Variants in ANO3 observed in about 807,000 individuals in gnomAD.
ANO3 encodes anoctamin 3.
In ANO3, 99 loss-of-function variants were observed where a neutral mutation model predicts 144.8. The observed-to-expected ratio is 0.68, with a 90% confidence interval of 0.58 to 0.81. The LOEUF (loss-of-function observed/expected upper bound fraction) is 0.81, where lower values mean the gene tolerates loss of function less well. ANO3 is among the 30% of genes least tolerant of loss of function. The pLI is 0.00. For missense variants in ANO3, 905 were observed against 1,202.2 expected, an observed-to-expected ratio of 0.75 and a Z score of 3.66; for synonymous variants, 414 against 392.6, an observed-to-expected ratio of 1.05 and a Z score of -0.64.
At chr11:26,277,263 C>T (rs896620827) in intron 1 of ANO3, among the ~76,000 whole-genome samples, 2 of 151,716 alleles carry the variant, frequency 1.3e-5, no homozygotes, top group African/African-American at 4.8e-5. Context: ...TAGTGAAAGG[C>T]TAAACATTAT....
At chr11:26,273,439 G>A (rs1315130892) in intron 1 of ANO3, among the ~76,000 whole-genome samples, 1 of 151,904 alleles carries the variant, frequency 6.6e-6, no homozygotes, top group African/African-American at 2.4e-5. Context: ...AATTGAGAGA[G>A]AGAAAATATC....
Position 26,283,045 on chromosome 11 carries a change from C to T in ANO3, c.155-26600C>T, listed in dbSNP as rs575588153. On this transcript the variant is annotated intron_variant, in intron 1 of 27. Transcript: ENST00000672621. ...TACAGAAAAAAATTGAAAAACAAAT[C>T]ATTGCTTCATCTAAAATGGTTGATG... 5.0e-4 allele frequency among the ~76,000 whole-genome samples: 76 copies of T among 151,742 alleles called. 1 individual carries two copies. The South Asian group carries it at 0.015, about 30-fold the overall frequency.
intron 9 of ANO3, among the ~76,000 whole-genome samples, chr11:26,535,318 G>T (rs1351487950): frequency 6.6e-6 from 1 of 152,128 alleles, no homozygotes; most frequent in Non-Finnish European, 1.5e-5. Context: ...ATAAACTTGA[G>T]AATGTTTCAC....
chr11:26,199,336 G>A (rs1290059867), intron 1 of ANO3, among the ~76,000 whole-genome samples: 2 of 152,108 alleles, frequency 1.3e-5, no homozygotes, highest in Non-Finnish European at 2.9e-5. Flanking sequence ...CTACTAAAGA[G>A]AAAATTTTAT....
intron 1 of ANO3, among the ~76,000 whole-genome samples, chr11:26,374,361 A>G (rs541999910): frequency 3.6e-4 from 55 of 152,194 alleles, no homozygotes; most frequent in Non-Finnish European, 7.1e-4. Context: ...AGTCCTGTAT[A>G]GGTCTTAGAA....
chr11:26,428,851 G>A (rs1375082420), intron 1 of ANO3, among the ~76,000 whole-genome samples: 1 of 151,750 alleles, frequency 6.6e-6, no homozygotes, highest in Non-Finnish European at 1.5e-5. Flanking sequence ...AAAGAAGATA[G>A]GAATAATGAG....
At chr11:26,243,999 C>T (rs967735473) in intron 1 of ANO3, among the ~76,000 whole-genome samples, 5 of 151,656 alleles carry the variant, frequency 3.3e-5, no homozygotes, top group Non-Finnish European at 5.9e-5. Context: ...TGTCTGTAGT[C>T]CCAGCTACTC....
chr11:26,306,940 A>C (rs1854398062), upstream of ANO3, among the ~76,000 whole-genome samples: 1 of 152,218 alleles, frequency 6.6e-6, no homozygotes, highest in African/African-American at 2.4e-5. Flanking sequence ...CACAACCTTT[A>C]TTGAAGCTTC....
At chr11:26,467,442 TC>T (rs1859638775) in intron 4 of ANO3, among the ~76,000 whole-genome samples, 1 of 151,908 alleles carries the variant, frequency 6.6e-6, no homozygotes, top group Non-Finnish European at 1.5e-5. Flanking sequence ...GCCCTACATT[TC>T]CCAAACCCTG....
intron 1 of ANO3, among the ~76,000 whole-genome samples, chr11:26,415,761 T>C (rs1857567847): frequency 6.6e-6 from 1 of 152,106 alleles, no homozygotes; most frequent in African/African-American, 2.4e-5. Flanking sequence ...TCTCTTTTCC[T>C]CTGTCATTGA....
chr11:26,192,984 T>A (rs1221074246), intron 1 of ANO3, among the ~76,000 whole-genome samples: 1 of 152,062 alleles, frequency 6.6e-6, no homozygotes, highest in Non-Finnish European at 1.5e-5. Flanking sequence ...CATAGGTACA[T>A]ATGTGCCATG....
intron 1 of ANO3, among the ~76,000 whole-genome samples, chr11:26,251,765 C>T (rs1852933832): frequency 6.6e-6 from 1 of 152,144 alleles, no homozygotes; most frequent in Admixed American, 6.5e-5. Context: ...CACATGGTGG[C>T]AGGACAGAGT....
At chr11:26,284,028 G>C (rs1453340431) in intron 1 of ANO3, among the ~76,000 whole-genome samples, 3 of 152,204 alleles carry the variant, frequency 2.0e-5, no homozygotes, top group Admixed American at 1.3e-4. Flanking sequence ...TGGGGCGGGT[G>C]TGTAGGTGGG....
At chr11:26,299,702 G>A (rs1854178574) in intron 1 of ANO3, among the ~76,000 whole-genome samples, 1 of 152,144 alleles carries the variant, frequency 6.6e-6, no homozygotes, top group African/African-American at 2.4e-5. Flanking sequence ...ACTCTGTAGG[G>A]AGAGAGCATG....
chr11:26,498,293 G>A (rs1861046918), intron 4 of ANO3, among the ~76,000 whole-genome samples: 2 of 151,588 alleles, frequency 1.3e-5, no homozygotes, highest in South Asian at 4.2e-4. Context: ...ATAACTATAG[G>A]GTGTATACCA....
intron 1 of ANO3, among the ~76,000 whole-genome samples, chr11:26,263,630 T>C (rs757401772): frequency 4.6e-5 from 7 of 152,238 alleles, no homozygotes; most frequent in Non-Finnish European, 1.0e-4. Flanking sequence ...GGTTGAAACC[T>C]GACTAAGGAC....
At chr11:26,484,711 T>G (rs1159955075) in intron 4 of ANO3, among the ~76,000 whole-genome samples, 1 of 152,090 alleles carries the variant, frequency 6.6e-6, no homozygotes, top group Non-Finnish European at 1.5e-5. Flanking sequence ...AGCTTGCACC[T>G]TATACCTGGA....
intron 1 of ANO3, among the ~76,000 whole-genome samples, chr11:26,220,628 A>G (rs1590200573): frequency 1.3e-5 from 2 of 152,356 alleles, no homozygotes; most frequent in African/African-American, 4.8e-5. Context: ...ATTGGAGGAG[A>G]CAATATCTGC....
intron 3 of ANO3, among the ~76,000 whole-genome samples, chr11:26,458,283 A>G (rs1367969990): frequency 6.6e-6 from 1 of 152,136 alleles, no homozygotes; most frequent in Non-Finnish European, 1.5e-5. Context: ...TAGCTTCATT[A>G]ACCAAAATGC....
Sources: allele counts gnomAD v4.1 joint callset (sites outside exome capture counted in the v4.1 genomes callset), GRCh38; gene constraint gnomAD v4.1.1; transcripts MANE v1.5; gene names NCBI Gene and HGNC (gene_info 2026-07-23, HGNC 2026-07-21).